Variants in TENM1 observed in about 807,000 individuals in gnomAD.
The protein encoded by TENM1 is teneurin-1.
A neutral mutation model predicts 174.8 loss-of-function variants in TENM1; 35 were observed. The ratio of observed to expected loss-of-function variants is 0.20; its 90% CI spans 0.15 to 0.27. TENM1 has a LOEUF of 0.27. TENM1 is among the 10% of genes least tolerant of loss of function. The pLI is 1.00. For synonymous variants in TENM1, 781 were observed against 798.7 expected (o/e 0.98, Z 0.37); for missense variants, 1,633 against 2,130.1 (o/e 0.77, Z 4.59).
chrX:125,049,536 A>G, the TENM1 span, among the ~76,000 whole-genome samples: 2 of 112,143 alleles, frequency 1.8e-5, no homozygotes, highest in Admixed American at 9.5e-5. Context: ...TAGATTTTCA[A>G]TTGGGTATAT....
At chrX:124,941,902 T>G (rs1244212580) in intron 1 of TENM1, among the ~76,000 whole-genome samples, 1 of 111,771 alleles carries the variant, frequency 8.9e-6, no homozygotes, top group East Asian at 2.8e-4. Context: ...AGGCATGTCT[T>G]ACATGGCAGC....
At chrX:124,765,972 C>T (rs961425312) in intron 3 of TENM1, among the ~76,000 whole-genome samples, 3 of 111,922 alleles carry the variant, frequency 2.7e-5, no homozygotes, top group Non-Finnish European at 3.8e-5. Context: ...AAAAGGTTCA[C>T]GAAAGTCACA....
chrX:125,038,107 AC>A, the TENM1 span, among the ~76,000 whole-genome samples: 1 of 110,382 alleles, frequency 9.1e-6, no homozygotes, highest in Non-Finnish European at 1.9e-5. Flanking sequence ...CATTCCAGGC[AC>A]TCCAGTAGAT....
At chrX:124,741,068 T>C (rs2148558804) in intron 3 of TENM1, among the ~76,000 whole-genome samples, 1 of 111,611 alleles carries the variant, frequency 9.0e-6, no homozygotes, top group African/African-American at 3.2e-5. Flanking sequence ...AGGTTTGAGG[T>C]CCTAAAATAA....
chrX:124,496,494 T>G (rs780909161), intron 20 of TENM1, among the ~76,000 whole-genome samples: 23 of 111,982 alleles, frequency 2.1e-4, no homozygotes, highest in Non-Finnish European at 2.8e-4. Flanking sequence ...GATAAATGCT[T>G]TAATTATCAT....
At chrX:124,960,845 A>G (rs971884802) in intron 1 of TENM1, among the ~76,000 whole-genome samples, 1 of 112,256 alleles carries the variant, frequency 8.9e-6, no homozygotes, top group Non-Finnish European at 1.9e-5. Flanking sequence ...TAAAGCCAAA[A>G]ACATTTCCAT....
At chrX:124,584,655 A>T (rs1477553255) in intron 11 of TENM1, among the ~76,000 whole-genome samples, 1 of 111,226 alleles carries the variant, frequency 9.0e-6, no homozygotes, top group Non-Finnish European at 1.9e-5. Flanking sequence ...AGCTAACATC[A>T]TAATGACAGG....
the TENM1 span, among the ~76,000 whole-genome samples, chrX:125,113,187 G>A: frequency 9.0e-6 from 1 of 111,249 alleles, no homozygotes; most frequent in African/African-American, 3.3e-5. Context: ...ATAACCATAA[G>A]GAAAAATTGA....
chrX:124,503,291 C>G (rs2047373127), intron 19 of TENM1, among the ~76,000 whole-genome samples: 1 of 111,012 alleles, frequency 9.0e-6, no homozygotes, highest in Admixed American at 9.6e-5. Flanking sequence ...ACCTCTGCCC[C>G]CTTCTCCTGA....
At chrX:124,766,434 C>T (rs1173814843) in intron 3 of TENM1, among the ~76,000 whole-genome samples, 1 of 111,218 alleles carries the variant, frequency 9.0e-6, no homozygotes, top group Non-Finnish European at 1.9e-5. Flanking sequence ...ACTTTTGTTT[C>T]AGTTTTGTAT....
chrX:125,012,886 C>G, the TENM1 span, among the ~76,000 whole-genome samples: 1 of 111,868 alleles, frequency 8.9e-6, no homozygotes, highest in Non-Finnish European at 1.9e-5. Context: ...ACAGGGCATT[C>G]TAACTTTCTG....
chrX:124,458,954 G>A (rs2061138693), intron 22 of TENM1, among the ~76,000 whole-genome samples: 1 of 112,273 alleles, frequency 8.9e-6, no homozygotes, highest in Non-Finnish European at 1.9e-5. Flanking sequence ...CTGCGTGTGA[G>A]CACTGTCCTA....
At chrX:124,400,840 G>A (rs2060391001) in intron 27 of TENM1, among the ~76,000 whole-genome samples, 2 of 112,067 alleles carry the variant, frequency 1.8e-5, no homozygotes, top group Admixed American at 1.9e-4. Context: ...TATTGTCCAG[G>A]GAAATGTATT....
the TENM1 span, among the ~76,000 whole-genome samples, chrX:125,073,797 A>C: frequency 9.0e-6 from 1 of 111,623 alleles, no homozygotes; most frequent in Non-Finnish European, 1.9e-5. Flanking sequence ...TTGAACACTT[A>C]ATAAGTTCCT....
exon 29 of TENM1, chrX:124,386,016 C>T (rs1165381937): frequency 8.3e-7 from 1 of 1,207,154 alleles, no homozygotes; most frequent in South Asian, 1.8e-5. Flanking sequence ...TCTGGTTGGT[C>T]ATACTCAAAG....
chrX:124,919,037 T>A (rs1197358350), intron 1 of TENM1, among the ~76,000 whole-genome samples: 1 of 112,066 alleles, frequency 8.9e-6, no homozygotes, highest in Non-Finnish European at 1.9e-5. Flanking sequence ...TATCTACCTC[T>A]TGAAAGTTGT....
At chrX:124,437,971 A>C (rs190409120) in intron 23 of TENM1, among the ~76,000 whole-genome samples, 1 of 112,338 alleles carries the variant, frequency 8.9e-6, no homozygotes, top group East Asian at 2.8e-4. Flanking sequence ...TCCATTTGAT[A>C]AAGAGGGGTT....
At chrX:125,185,799 G>A in the TENM1 span, among the ~76,000 whole-genome samples, 13 of 112,280 alleles carry the variant, frequency 1.2e-4, 1 homozygote, top group African/African-American at 3.2e-4. Context: ...AGAGATACAT[G>A]TGGGGTAGGG....
At chrX:125,102,804 G>C in the TENM1 span, among the ~76,000 whole-genome samples, 3 of 112,153 alleles carry the variant, frequency 2.7e-5, no homozygotes, top group Non-Finnish European at 5.6e-5. Flanking sequence ...CTTCTCAGTT[G>C]AAAGGGCATT....
Sources: allele counts gnomAD v4.1 joint callset (sites outside exome capture counted in the v4.1 genomes callset), GRCh38; gene constraint gnomAD v4.1.1; transcripts MANE v1.5; gene names NCBI Gene and HGNC (gene_info 2026-07-23, HGNC 2026-07-21).